SPATA31C1: variants seen among roughly 807,000 people sequenced by gnomAD.
SPATA31C1 encodes the protein SPATA31 subfamily C member 1.
At chr9:87,920,521 T>C (rs765185434) in exon 5 of SPATA31C1, 8 of 1,613,742 alleles carry the variant, frequency 5.0e-6, no homozygotes, top group Non-Finnish European at 6.8e-6. Context: ...TCCCTTCTCC[T>C]AGAACGCCCC....
chr9:87,922,608 T>C (rs1245660476), exon 5 of SPATA31C1: 2 of 1,609,058 alleles, frequency 1.2e-6, no homozygotes, highest in Non-Finnish European at 1.7e-6. Context: ...TTCAGAGAAT[T>C]TGGCTTCTCA....
exon 5 of SPATA31C1, chr9:87,922,620 G>C: frequency 6.2e-7 from 1 of 1,608,962 alleles, no homozygotes; most frequent in East Asian, 2.2e-5. Context: ...GGCTTCTCAA[G>C]TGCCCCAGGG....
exon 5 of SPATA31C1, chr9:87,921,119 A>C: frequency 6.2e-7 from 1 of 1,611,764 alleles, no homozygotes; most frequent in Non-Finnish European, 8.5e-7. Context: ...AGCACCCTGA[A>C]AGGCCTTTGT....
Position 87,919,241 on chromosome 9 carries a change from T to TTCTTGTCTCCCAGCGTCA in SPATA31C1, n.523-18_523-1dup. 0.53 allele frequency: 808,533 copies of TTCTTGTCTCCCAGCGTCA among 1,516,174 alleles called. 227,579 individuals are homozygous for TTCTTGTCTCCCAGCGTCA. Among genetic ancestry groups the TTCTTGTCTCCCAGCGTCA allele is most frequent in the African/African-American group, 0.77 (52,871 of 68,646 alleles). 93.9% of individuals were successfully genotyped at this position (1,516,174 alleles called of 1,614,324 possible). The stretch of plus-strand genomic sequence containing the variant: ...AGAGCCGGTCCTAGCTCCTCGCCAT[T>TTCTTGTCTCCCAGCGTCA]TCTTGTCTCCCAGCGTCATCTTGTC... On this transcript the variant is annotated intron_variant and non_coding_transcript_variant, in intron 2 of 4. Transcript: ENST00000420021.
chr9:87,922,715 G>A (rs759561584), exon 5 of SPATA31C1: 7 of 1,607,078 alleles, frequency 4.4e-6, no homozygotes, highest in Non-Finnish European at 5.9e-6. Context: ...GTAACATGGG[G>A]CACAAGGAGC....
rs1007035352 is a variant in SPATA31C1 at position 87,917,424 on chromosome 9, TA to T, written n.190-415del. On this transcript the variant is annotated intron_variant and non_coding_transcript_variant, in intron 1 of 4. Transcript: ENST00000420021. ...AGAGAGGGACTCCGTCTCAAAAAAATAAAAAAAATAAAAAAAAAGGAAAGTG... is the reference window on the plus strand; with the variant it reads ...AGAGAGGGACTCCGTCTCAAAAAAATAAAAAAATAAAAAAAAAGGAAAGTG... 16 of 108,412 alleles carry T rather than the reference TA, an allele frequency of 1.5e-4. No homozygotes were observed. The East Asian group carries it at 1.9e-3, about 13-fold the overall frequency. 6.7% of individuals were successfully genotyped at this position (108,412 alleles called of 1,614,324 possible).
exon 5 of SPATA31C1, chr9:87,920,986 A>C (rs761613727): frequency 6.2e-7 from 1 of 1,612,828 alleles, no homozygotes; most frequent in Non-Finnish European, 8.5e-7. Flanking sequence ...GCCGAGGCTC[A>C]GGCCCATCTT....
At position 87,919,117 on chromosome 9, in the gene SPATA31C1, A is replaced by G. The variant is rs1173127990; in HGVS notation, n.523-174A>G. 5 of 1,329,654 alleles carry G rather than the reference A, an allele frequency of 3.8e-6. No homozygotes were observed. In the African/African-American group the frequency reaches 7.3e-5, roughly 19 times the overall value. The allele number at this position is 1,329,654 out of a possible 1,614,324, so 82.4% of individuals were successfully genotyped here. The stretch of plus-strand genomic sequence containing the variant: ...AAAGCAGTTTATCATCCATTTAAAC[A>G]TGAGTGGGAGGGGAGAAAGCACACA... On this transcript the variant is annotated intron_variant and non_coding_transcript_variant, in intron 2 of 4. Transcript: ENST00000420021.
exon 5 of SPATA31C1, chr9:87,920,945 A>C (rs766918851): frequency 3.1e-6 from 5 of 1,612,292 alleles, no homozygotes; most frequent in Non-Finnish European, 3.4e-6. Flanking sequence ...TTTCATCCAC[A>C]CCCCAATTCC....
intron 1 of SPATA31C1, among the ~76,000 whole-genome samples, chr9:87,917,075 T>C: frequency 7.7e-6 from 1 of 129,894 alleles, no homozygotes; most frequent in Non-Finnish European, 1.7e-5. Flanking sequence ...AATAGAATTT[T>C]AAAAAAATCT....
At chr9:87,920,666 CTCAG>C in exon 5 of SPATA31C1, 1 of 1,613,942 alleles carries the variant, frequency 6.2e-7, no homozygotes, top group Non-Finnish European at 8.5e-7. Flanking sequence ...CTCACTGTGA[CTCAG>C]TGGCACTTCC....
rs1290816512 is a variant in SPATA31C1 at position 87,916,900 on chromosome 9, G to A, written n.190-947G>A. 3.1e-5 allele frequency among the ~76,000 whole-genome samples: 2 copies of A among 65,568 alleles called. 1 individual carries two copies. The highest frequency in any genetic ancestry group is 3.4e-4 in the Admixed American group (2 of 5,948). 43.0% of individuals were successfully genotyped at this position (65,568 alleles called of 152,430 possible). A position where few individuals can be genotyped will look rare whatever the true frequency, so the allele number is the denominator to read the frequency against. On this transcript the variant is annotated intron_variant and non_coding_transcript_variant, in intron 1 of 4. Transcript: ENST00000420021. ...TAGTCCCAGCTACTCGGGAGGCTGA[G>A]GCAGGAGAATGGCATGAACCCAGGA...
At chr9:87,915,749 T>C (rs1828701724) in intron 1 of SPATA31C1, among the ~76,000 whole-genome samples, 1 of 143,732 alleles carries the variant, frequency 7.0e-6, no homozygotes. Context: ...GAACTATTTC[T>C]GAGTTCTCAA....
At chr9:87,921,756 A>C (rs768231516) in exon 5 of SPATA31C1, 1 of 1,612,038 alleles carries the variant, frequency 6.2e-7, no homozygotes, top group Admixed American at 1.7e-5. Context: ...TCCCGTATCC[A>C]ACACCCACGT....
exon 5 of SPATA31C1, chr9:87,920,555 C>T (rs1828824725): frequency 1.9e-6 from 3 of 1,613,654 alleles, no homozygotes; most frequent in East Asian, 2.2e-5. Context: ...CTGCACTTTT[C>T]CCTCACCCAC....
At chr9:87,922,655 G>A (rs765096371) in exon 5 of SPATA31C1, 2 of 1,608,562 alleles carry the variant, frequency 1.2e-6, no homozygotes, top group Admixed American at 1.7e-5. Context: ...CGCCTACTGG[G>A]AACATGCAGG....
chr9:87,919,495 G>T, intron 3 of SPATA31C1, 147 bp downstream of exon 2: 3 of 1,291,328 alleles, frequency 2.3e-6, no homozygotes, highest in South Asian at 2.8e-5. Flanking sequence ...ATTCTGTGCC[G>T]CCGGAATGAA....
exon 5 of SPATA31C1, chr9:87,921,248 G>A (rs756721317): frequency 6.2e-7 from 1 of 1,611,854 alleles, no homozygotes; most frequent in African/African-American, 1.3e-5. Context: ...TTCTGCCTGA[G>A]AACTTTCCAG....
chr9:87,921,991 C>G, exon 5 of SPATA31C1: 1 of 1,613,518 alleles, frequency 6.2e-7, no homozygotes, highest in Non-Finnish European at 8.5e-7. Flanking sequence ...GCTGGTCCCT[C>G]CTCAGACACC....
Sources: allele counts gnomAD v4.1 joint callset (sites outside exome capture counted in the v4.1 genomes callset), GRCh38; gene constraint gnomAD v4.1.1; transcripts MANE v1.5; gene names NCBI Gene and HGNC (gene_info 2026-07-23, HGNC 2026-07-21).